Variants in PDZD2 observed in about 807,000 individuals in gnomAD.
PDZD2 encodes the protein PDZ domain containing 2.
Under a neutral mutation model 220.7 loss-of-function variants are expected in PDZD2, and 90 were observed. The observed-to-expected ratio is 0.41, with a 90% CI of 0.34 to 0.49. The LOEUF (loss-of-function observed/expected upper bound fraction) is 0.49. Among genes scored for constraint, PDZD2 ranks in the 20% least tolerant of loss-of-function variants. The pLI, the probability that PDZD2 is intolerant of heterozygous loss-of-function variation, is 0.28. For missense variants in PDZD2, 3,174 were observed against 3,608.5 expected, an observed-to-expected ratio of 0.88 and a Z score of 3.08; for synonymous variants, 1,375 against 1,450.5, an observed-to-expected ratio of 0.95 and a Z score of 1.18.
chr5:31,703,314 A>G (rs2150134837), intron 1 of PDZD2, among the ~76,000 whole-genome samples: 2 of 152,372 alleles, frequency 1.3e-5, no homozygotes, highest in South Asian at 2.1e-4. Context: ...GAATGAGTTC[A>G]TGCCCTTGGC....
At chr5:31,952,772 A>AT (rs1747294065) in intron 2 of PDZD2, among the ~76,000 whole-genome samples, 1 of 152,200 alleles carries the variant, frequency 6.6e-6, no homozygotes, top group African/African-American at 2.4e-5. Context: ...AAAAATAAGA[A>AT]TAGCAGCCCA....
intron 1 of PDZD2, among the ~76,000 whole-genome samples, chr5:31,650,135 T>C (rs1561362924): frequency 1.3e-5 from 2 of 152,160 alleles, no homozygotes; most frequent in East Asian, 3.9e-4. Flanking sequence ...GTATATTTCT[T>C]CCCTGTGTTA....
At position 31,733,075 on chromosome 5, in the gene PDZD2, A is replaced by G. The variant is rs182207827; in HGVS notation, c.-360-65814A>G. ...CTTTTTATTGAATTATAATATGCACACAGAAAAGGGCACAATCACAATATA... is the reference window on the plus strand; with the variant it reads ...CTTTTTATTGAATTATAATATGCACGCAGAAAAGGGCACAATCACAATATA... On this transcript the variant is annotated intron_variant, in intron 1 of 24. Transcript: ENST00000438447. Among the ~76,000 whole-genome samples, 12 of 152,294 alleles carry G rather than the reference A, an allele frequency of 7.9e-5. No individual in the cohort carries two copies. In the East Asian group the frequency reaches 2.3e-3, roughly 29 times the overall value.
chr5:32,048,873 A>C lies in PDZD2; in HGVS notation c.1665+189A>C, dbSNP rs1327939818. On this transcript the variant is annotated intron_variant, in intron 8 of 24. Coordinates refer to ENST00000438447, the MANE Select transcript of PDZD2 (RefSeq NM_178140.4). ...TAATACTTGAAAATAGTGGGGGGAA[A>C]ATCCCTCATTGGATCTCAAAATGTT... Among the ~76,000 whole-genome samples, 6 of 152,200 alleles carry C rather than the reference A, an allele frequency of 3.9e-5. No homozygotes were observed. The South Asian group carries it at 1.2e-3, about 32-fold the overall frequency.
chr5:32,087,925 G>A lies in PDZD2; in HGVS notation c.4477G>A (p.Ala1493Thr), dbSNP rs745438758. Reference sequence around the variant, plus strand: ...GAGGGCCTGGGCTGCTGGTGCCCCCGCCTACCCACAATGGGCCTCCCAGCC... The same window carrying A: ...GAGGGCCTGGGCTGCTGGTGCCCCCACCTACCCACAATGGGCCTCCCAGCC... ...PRRAWAAGAP[A>T]YPQWASQPSV... is the part of the protein sequence containing the mutation. Residue 1493 changes from alanine (A) to threonine (T), a missense_variant, in exon 20 of 25, where the codon GCC becomes ACC. This residue lies in a region of PDZD2 where 1,861 missense variants were observed against 2,001.0 expected (regional missense o/e 0.93). Coordinates refer to ENST00000438447, the MANE Select transcript of PDZD2 (RefSeq NM_178140.4). The surrounding 1 kb of genome is among the most constrained non-coding windows in gnomAD (Gnocchi z 4.0). 6.8e-6 allele frequency: 11 copies of A among 1,613,660 alleles called. No individual in the cohort carries two copies. Among genetic ancestry groups the A allele is most frequent in the African/African-American group, 6.7e-5 (5 of 74,930 alleles).
chr5:31,743,607 A>G (rs1475085430), intron 1 of PDZD2, among the ~76,000 whole-genome samples: 1 of 152,202 alleles, frequency 6.6e-6, no homozygotes, highest in Non-Finnish European at 1.5e-5. Flanking sequence ...AATCATCGCT[A>G]GAAATAGGGG....
chr5:31,648,724 G>A (rs1745227573), intron 1 of PDZD2, among the ~76,000 whole-genome samples: 1 of 151,262 alleles, frequency 6.6e-6, no homozygotes, highest in Non-Finnish European at 1.5e-5. Context: ...AAATTGAGAA[G>A]AAATTACAGA....
In PDZD2 at chr5:31,737,404, C is replaced by T. The variant is rs183343209; in HGVS notation, c.-360-61485C>T. The stretch of plus-strand genomic sequence containing the variant: ...AGCCAGGATGGTCTTGATCTCCTGA[C>T]CTCGTGATCCGCCCGCCTTGGCCTC... On this transcript the variant is annotated intron_variant, in intron 1 of 24. Coordinates refer to ENST00000438447, the MANE Select transcript of PDZD2 (RefSeq NM_178140.4). Among the ~76,000 whole-genome samples, 154 of 152,152 alleles carry T rather than the reference C, an allele frequency of 1.0e-3. 2 individuals are homozygous for T. The highest frequency in any genetic ancestry group is 2.9e-3 in the African/African-American group (119 of 41,502).
At chr5:31,852,363 C>A (rs62360850) in intron 2 of PDZD2, among the ~76,000 whole-genome samples, 12,422 of 152,164 alleles carry the variant, frequency 0.082, 618 homozygotes, top group Middle Eastern at 0.15. Flanking sequence ...TCACTGCAAC[C>A]TCTACCTCCT....
At chr5:32,078,659 AG>A (rs1741584011) in intron 19 of PDZD2, among the ~76,000 whole-genome samples, 1 of 148,548 alleles carries the variant, frequency 6.7e-6, no homozygotes, top group East Asian at 2.0e-4. Flanking sequence ...AAAAAAAAAA[AG>A]GAAATTAGTT....
Position 32,087,229 on chromosome 5 carries a change from C to T in PDZD2, c.3781C>T (p.Arg1261Trp), listed in dbSNP as rs369070679. The T allele has an allele frequency of 6.8e-6, 11 of 1,613,898 alleles. No homozygotes were observed. The highest frequency in any genetic ancestry group is 4.4e-5 in the South Asian group (4 of 91,078). ...KTSVDTGQVS[R>W]PENPSQPASP... ...CTCTGTAGACACAGGGCAAGTCAGT[C>T]GGCCAGAGAATCCCAGCCAGCCTGC... is the stretch of plus-strand genomic sequence containing the variant. Residue 1261 changes from arginine (R) to tryptophan (W), a missense_variant, in exon 20 of 25, where the codon CGG becomes TGG. Transcript: ENST00000438447. The surrounding 1 kb of genome is among the most constrained non-coding windows in gnomAD (Gnocchi z 4.0).
chr5:31,850,671 C>T (rs1468477121), intron 2 of PDZD2, among the ~76,000 whole-genome samples: 3 of 132,694 alleles, frequency 2.3e-5, no homozygotes, highest in Non-Finnish European at 4.7e-5. Context: ...GAGTCTTGCT[C>T]TTTCACCCAG....
chr5:32,034,608 G>A (rs534296086), intron 6 of PDZD2, among the ~76,000 whole-genome samples: 43 of 152,060 alleles, frequency 2.8e-4, no homozygotes, highest in African/African-American at 8.7e-4. Flanking sequence ...TGATCCACCC[G>A]TCTCCGCTTC....
At chr5:32,043,774 C>T (rs949881616) in intron 7 of PDZD2, among the ~76,000 whole-genome samples, 1 of 152,102 alleles carries the variant, frequency 6.6e-6, no homozygotes, top group Non-Finnish European at 1.5e-5. Context: ...ACTACACGCG[C>T]AGGCTACCAC....
intron 19 of PDZD2, among the ~76,000 whole-genome samples, chr5:32,078,316 G>A (rs1233825354): frequency 1.3e-5 from 2 of 152,154 alleles, no homozygotes; most frequent in East Asian, 1.9e-4. Flanking sequence ...AAGTAACATC[G>A]TGGAGGCAGA....
intron 14 of PDZD2, 136 bp from the exon 15 acceptor site, chr5:32,069,433 C>T (rs533937348): frequency 1.9e-5 from 12 of 629,508 alleles, no homozygotes; most frequent in African/African-American, 1.1e-4. Flanking sequence ...GTTACAGCTT[C>T]GGAGGATGGT....
chr5:32,091,225 G>C (rs1196014115), intron 20 of PDZD2, 50 bp downstream of exon 20: 1 of 1,385,690 alleles, frequency 7.2e-7, no homozygotes, highest in South Asian at 1.5e-5. Flanking sequence ...TTTCATTTTG[G>C]AATAGTTTTA....
Position 32,091,161 on chromosome 5 carries a change from A to C in PDZD2, c.7713A>C (p.Arg2571Ser). ...CTGCCCAGGATCTGCCTTTTAGAAG[A>C]AGCTGGTCAGTTAAGTAAGTATCTG... ...GEAAQDLPFR[R>S]SWSVNLDQLL... The change falls in exon 20 of 25, where the codon AGA (arginine) becomes AGC (serine). Residue 2571 changes from arginine (R) to serine (S), a missense_variant. Physicochemically the swap from Arg to Ser is moderately radical, Grantham distance 110 (BLOSUM62 -1). Coordinates refer to ENST00000438447, the MANE Select transcript of PDZD2 (RefSeq NM_178140.4). The C allele has an allele frequency of 6.4e-7, 1 of 1,565,690 alleles. No individual in the cohort carries two copies. Among genetic ancestry groups the C allele is most frequent in the Non-Finnish European group, 8.7e-7 (1 of 1,150,428 alleles).
intron 2 of PDZD2, among the ~76,000 whole-genome samples, chr5:31,866,428 C>T (rs1334563264): frequency 6.6e-6 from 1 of 152,126 alleles, no homozygotes; most frequent in South Asian, 2.1e-4. Flanking sequence ...TTCCTGCTGT[C>T]GGCCCGGGCA....
Sources: gnomAD v4.1 joint callset for allele counts (sites outside exome capture counted in the v4.1 genomes callset) on GRCh38, gnomAD v4.1.1 for gene constraint, gnomAD v4.1.1 regional missense constraint, Gnocchi (gnomAD v3.1) non-coding constraint, MANE v1.5 for transcripts, NCBI Gene and HGNC (gene_info 2026-07-23, HGNC 2026-07-21) for gene names.